Variants in TAF4 observed in about 807,000 individuals in gnomAD.
The protein encoded by TAF4 is transcription initiation factor TFIID subunit 4.
In TAF4, 9 loss-of-function variants were observed where a neutral mutation model predicts 90.3. The observed-to-expected ratio is 0.10, with a 90% CI of 0.06 to 0.17. The LOEUF (loss-of-function observed/expected upper bound fraction) is 0.17. TAF4 is among the 10% of genes least tolerant of loss of function. The probability of loss-of-function intolerance (pLI) is 1.00; values close to 1 mark genes in which losing one functional copy is unlikely to be tolerated. For synonymous variants in TAF4, 818 were observed against 638.9 expected (o/e 1.28, Z -4.23); for missense variants, 1,351 against 1,370.7 (o/e 0.99, Z 0.23).
intron 14 of TAF4, chr20:61,981,206 C>T (rs1333533947): frequency 1.3e-5 from 2 of 152,224 alleles, no homozygotes; most frequent in Admixed American, 6.5e-5. Flanking sequence ...TGGCAAATAC[C>T]CCAAGGCCAC....
intron 2 of TAF4, 143 bp from the exon 3 acceptor site, chr20:62,013,077 G>T: frequency 8.1e-7 from 1 of 1,237,802 alleles, no homozygotes; most frequent in African/African-American, 1.5e-5. Context: ...TGAAGCCACT[G>T]TAATTCTAAA....
chr20:61,977,171 C>T (rs1379464896), intron 14 of TAF4, among the ~76,000 whole-genome samples: 4 of 148,078 alleles, frequency 2.7e-5, no homozygotes, highest in Non-Finnish European at 6.0e-5. Context: ...CAGCGGGGCA[C>T]GAGCCACACA....
At chr20:62,027,315 C>A (rs1753559661) in intron 1 of TAF4, among the ~76,000 whole-genome samples, 1 of 152,150 alleles carries the variant, frequency 6.6e-6, no homozygotes, top group South Asian at 2.1e-4. Context: ...ATGGGACTTG[C>A]CCCTGGAAAA....
At chr20:61,983,331 A>C (rs1356585964) in intron 14 of TAF4, among the ~76,000 whole-genome samples, 1 of 152,176 alleles carries the variant, frequency 6.6e-6, no homozygotes, top group East Asian at 1.9e-4. Flanking sequence ...GCAAAGAATA[A>C]ACATCTCACA....
chr20:62,036,561 A>T (rs940752693), intron 1 of TAF4, among the ~76,000 whole-genome samples: 2 of 152,226 alleles, frequency 1.3e-5, no homozygotes, highest in Non-Finnish European at 2.9e-5. Flanking sequence ...AAACTGTAGC[A>T]AACTGCATGC....
intron 1 of TAF4, among the ~76,000 whole-genome samples, chr20:62,033,678 A>G (rs1174844735): frequency 4.1e-4 from 62 of 150,852 alleles, no homozygotes; most frequent in Admixed American, 4.1e-3. Flanking sequence ...CAGAGGTTGC[A>G]GTGAGATGAG....
intron 1 of TAF4, among the ~76,000 whole-genome samples, chr20:62,045,463 C>T (rs545146638): frequency 2.6e-5 from 4 of 152,344 alleles, no homozygotes; most frequent in East Asian, 1.9e-4. Flanking sequence ...GCAAGCACTC[C>T]GTGAGTGCTG....
At chr20:62,032,062 C>G (rs1422728122) in intron 1 of TAF4, among the ~76,000 whole-genome samples, 1 of 152,274 alleles carries the variant, frequency 6.6e-6, no homozygotes, top group Non-Finnish European at 1.5e-5. Flanking sequence ...CTTCCTGAAG[C>G]CAGCAGTATC....
chr20:61,985,968 G>GGAAC (rs1568922343), intron 14 of TAF4, among the ~76,000 whole-genome samples: 1 of 101,898 alleles, frequency 9.8e-6, no homozygotes. Context: ...ACCAAAGGAA[G>GGAAC]CACCATCCCC....
intron 1 of TAF4, among the ~76,000 whole-genome samples, chr20:62,054,312 G>A (rs151032142): frequency 2.2e-4 from 34 of 152,292 alleles, no homozygotes; most frequent in Non-Finnish European, 4.6e-4. Context: ...GAGCCTCAGC[G>A]TCTCTGTGGA....
chr20:61,998,932 G>A, intron 12 of TAF4, 51 bp downstream of exon 12: 1 of 1,601,512 alleles, frequency 6.2e-7, no homozygotes, highest in Non-Finnish European at 8.5e-7. Context: ...TCATCAGGTT[G>A]TGGCTGAGAC....
At chr20:62,048,297 G>T (rs982416382) in intron 1 of TAF4, among the ~76,000 whole-genome samples, 24 of 152,280 alleles carry the variant, frequency 1.6e-4, no homozygotes, top group African/African-American at 5.1e-4. Flanking sequence ...CCCTGTACTA[G>T]CTCCTCCTGG....
At chr20:62,015,972 T>C (rs1354658939) in intron 1 of TAF4, among the ~76,000 whole-genome samples, 1 of 152,060 alleles carries the variant, frequency 6.6e-6, no homozygotes, top group African/African-American at 2.4e-5. Flanking sequence ...CATGCTGAAA[T>C]CAAACAAAAA....
rs752036681 is a variant in TAF4, at chr20:62,000,636, C to G, written c.2572G>C (p.Glu858Gln). The G allele has an allele frequency of 6.2e-7, 1 of 1,614,278 alleles. No homozygotes were observed. The highest frequency in any genetic ancestry group is 2.2e-5 in the East Asian group (1 of 44,894). Residue 858 changes from glutamate to glutamine, a missense_variant, in exon 10 of 15, where the codon GAA (glutamate) becomes CAA (glutamine). By Grantham distance (29) the Glu-to-Gln change is conservative. Around this residue, in one of 9 missense-constraint regions of TAF4, gnomAD observed 95 missense variants for 151.3 expected, o/e 0.63. Coordinates refer to ENST00000252996, the MANE Select transcript of TAF4 (RefSeq NM_003185.4). ...ESARILATNSELVGTLTRSCK... is the reference protein window; with the variant it reads ...ESARILATNSQLVGTLTRSCK... ...GACCGCGTTAGCGTGCCCACCAATT[C>G]AGAGTTCGTGGCTAATATTCTTGCA... is the stretch of plus-strand genomic sequence containing the variant.
chr20:62,004,076 C>A (rs1046481988), intron 7 of TAF4, among the ~76,000 whole-genome samples, 198 bp from the exon 8 acceptor site: 2 of 152,212 alleles, frequency 1.3e-5, no homozygotes, highest in Admixed American at 6.5e-5. Context: ...CAGACCAGGG[C>A]AGGACGTGGG....
At chr20:62,034,374 T>C (rs1418469211) in intron 1 of TAF4, among the ~76,000 whole-genome samples, 1 of 152,132 alleles carries the variant, frequency 6.6e-6, no homozygotes, top group East Asian at 1.9e-4. Context: ...CCCAGGCTAG[T>C]GTGCAGTGGC....
chr20:62,050,094 G>C (rs1405137375), intron 1 of TAF4, among the ~76,000 whole-genome samples: 1 of 152,146 alleles, frequency 6.6e-6, no homozygotes, highest in African/African-American at 2.4e-5. Context: ...CTGACAAACT[G>C]TTTTTCTACA....
intron 1 of TAF4, among the ~76,000 whole-genome samples, chr20:62,063,269 T>G (rs2056100022): frequency 6.6e-6 from 1 of 152,176 alleles, no homozygotes; most frequent in Non-Finnish European, 1.5e-5. Context: ...CTTTCACTTC[T>G]GAAGATTCTG....
At chr20:62,027,556 C>G (rs1223687856) in intron 1 of TAF4, among the ~76,000 whole-genome samples, 2 of 152,122 alleles carry the variant, frequency 1.3e-5, no homozygotes, top group African/African-American at 4.8e-5. Context: ...CAGGCCCATC[C>G]TCTCCCACCG....
Sources: allele counts gnomAD v4.1 joint callset (sites outside exome capture counted in the v4.1 genomes callset), GRCh38; gene constraint gnomAD v4.1.1; regional missense constraint gnomAD v4.1.1; transcripts MANE v1.5; gene names NCBI Gene and HGNC (gene_info 2026-07-23, HGNC 2026-07-21).